The following AK5 variants were observed in gnomAD, a reference collection of about 807,000 sequenced individuals.
AK5 encodes adenylate kinase isoenzyme 5.
A neutral mutation model predicts 69.5 loss-of-function variants in AK5; 27 were observed. The observed-to-expected ratio is 0.39, with a 90% CI of 0.29 to 0.54. The LOEUF is 0.54. AK5 is among the 20% of genes least tolerant of loss of function. The pLI is 0.71. For missense variants in AK5, 531 were observed against 700.4 expected (o/e 0.76, Z 2.73); for synonymous variants, 260 against 244.4 (o/e 1.06, Z -0.60).
At chr1:77,308,267 G>T (rs1038267273) in intron 5 of AK5, among the ~76,000 whole-genome samples, 3 of 151,834 alleles carry the variant, frequency 2.0e-5, no homozygotes, top group Non-Finnish European at 4.4e-5. Context: ...CAGTCCCCAG[G>T]CCTGTCATTT....
At chr1:77,488,258 A>G (rs1334568564) in intron 10 of AK5, among the ~76,000 whole-genome samples, 2 of 152,220 alleles carry the variant, frequency 1.3e-5, no homozygotes, top group East Asian at 1.9e-4. Context: ...TTCAGAAAGT[A>G]AAACTATATA....
intron 6 of AK5, 84 bp downstream of exon 6, chr1:77,340,652 T>C: frequency 7.6e-7 from 1 of 1,321,986 alleles, no homozygotes; most frequent in Non-Finnish European, 1.0e-6. Flanking sequence ...GTAGAAATCC[T>C]CTTTACCTTA....
At chr1:77,327,138 G>C (rs1660845483) in intron 5 of AK5, among the ~76,000 whole-genome samples, 1 of 152,146 alleles carries the variant, frequency 6.6e-6, no homozygotes, top group Non-Finnish European at 1.5e-5. Flanking sequence ...TGTAATCCCA[G>C]CACTTTGAAA....
At chr1:77,531,078 G>C (rs952164419) in intron 12 of AK5, among the ~76,000 whole-genome samples, 2 of 152,050 alleles carry the variant, frequency 1.3e-5, no homozygotes, top group African/African-American at 4.8e-5. Context: ...GTGGACCCTC[G>C]CGGTGAGTGT....
At chr1:77,502,488 G>T (rs1482635270) in intron 10 of AK5, among the ~76,000 whole-genome samples, 3 of 152,160 alleles carry the variant, frequency 2.0e-5, no homozygotes, top group African/African-American at 7.2e-5. Context: ...ATTTCAGAGA[G>T]CCTTGTGCCC....
chr1:77,435,385 C>T (rs1000983380), intron 8 of AK5, among the ~76,000 whole-genome samples: 2 of 152,142 alleles, frequency 1.3e-5, no homozygotes, highest in Non-Finnish European at 2.9e-5. Flanking sequence ...CATGGTGGCT[C>T]ACGCCTGTAA....
At chr1:77,291,647 G>A (rs1481369890) in intron 2 of AK5, among the ~76,000 whole-genome samples, 2 of 152,004 alleles carry the variant, frequency 1.3e-5, no homozygotes, top group African/African-American at 2.4e-5. Flanking sequence ...TCAGTAAGAT[G>A]TTCTTTTTAT....
At chr1:77,443,332 G>A (rs1024971755) in intron 8 of AK5, among the ~76,000 whole-genome samples, 4 of 152,084 alleles carry the variant, frequency 2.6e-5, no homozygotes, top group Non-Finnish European at 5.9e-5. Flanking sequence ...TATGCTATAT[G>A]CATCCATTAC....
intron 8 of AK5, among the ~76,000 whole-genome samples, chr1:77,445,418 T>G (rs1652687511): frequency 6.6e-6 from 1 of 152,194 alleles, no homozygotes; most frequent in African/African-American, 2.4e-5. Flanking sequence ...TGGCCATTTT[T>G]AATATCATCT....
chr1:77,472,301 C>T (rs1654553458), intron 8 of AK5, among the ~76,000 whole-genome samples: 2 of 152,268 alleles, frequency 1.3e-5, no homozygotes, highest in South Asian at 4.1e-4. Context: ...GGGATGCCTC[C>T]TTTTGTGGTC....
At chr1:77,485,927 G>A (rs1034056674) in intron 9 of AK5, among the ~76,000 whole-genome samples, 4 of 152,146 alleles carry the variant, frequency 2.6e-5, no homozygotes, top group African/African-American at 9.7e-5. Flanking sequence ...GACCAGCCTG[G>A]CCAACATGGT....
intron 8 of AK5, among the ~76,000 whole-genome samples, chr1:77,478,865 T>TAC (rs1557622908): frequency 2.0e-5 from 3 of 152,088 alleles, no homozygotes; most frequent in Non-Finnish European, 4.4e-5. Flanking sequence ...AAAGCACATA[T>TAC]ATACCCCAAT....
intron 1 of AK5, among the ~76,000 whole-genome samples, chr1:77,286,190 T>C (rs1658338945): frequency 6.6e-6 from 1 of 152,050 alleles, no homozygotes; most frequent in Admixed American, 6.6e-5. Flanking sequence ...TATGAAATTA[T>C]TTAATTCTTA....
intron 6 of AK5, among the ~76,000 whole-genome samples, chr1:77,355,629 G>A (rs949781774): frequency 6.6e-5 from 10 of 152,106 alleles, no homozygotes; most frequent in African/African-American, 2.4e-4. Context: ...ACCCCATTTT[G>A]AGTCCATTCA....
intron 8 of AK5, among the ~76,000 whole-genome samples, chr1:77,458,277 C>A (rs886573942): frequency 6.6e-6 from 1 of 152,096 alleles, no homozygotes; most frequent in African/African-American, 2.4e-5. Flanking sequence ...TCTCTCACTC[C>A]TCTATTGTCC....
In AK5 at chr1:77,558,968, G is replaced by T. The variant is rs576429809; in HGVS notation, c.*298G>T. On this transcript the variant is annotated 3_prime_UTR_variant, in exon 14 of 14. Transcript: ENST00000354567. Reference sequence around the variant, plus strand: ...CTCAGAGCTAGTCAGTACATGAACAGTGGTGCGGTGCCAGTCTGTGTCCGT... The same window carrying T: ...CTCAGAGCTAGTCAGTACATGAACATTGGTGCGGTGCCAGTCTGTGTCCGT... 1.4e-4 allele frequency: 35 copies of T among 245,476 alleles called. No individual in the cohort carries two copies. In the South Asian group the frequency reaches 2.6e-3, roughly 18 times the overall value. 15.2% of individuals were successfully genotyped at this position (245,476 alleles called of 1,614,324 possible). A position where few individuals can be genotyped will look rare whatever the true frequency, so the allele number is the denominator to read the frequency against.
rs371485979 is a variant in AK5 at position 77,494,543 on chromosome 1, C to G, written c.1147+8191C>G. 5.5e-4 allele frequency among the ~76,000 whole-genome samples: 84 copies of G among 152,260 alleles called. No individual in the cohort carries two copies. In the South Asian group the frequency reaches 0.016, roughly 29 times the overall value. ...TGGATTTCTTTTAAAATAACAAAATCTCTGTCAACTCCAAATTTGAGCGAC... is the reference window on the plus strand; with the variant it reads ...TGGATTTCTTTTAAAATAACAAAATGTCTGTCAACTCCAAATTTGAGCGAC... On this transcript the variant is annotated intron_variant, in intron 10 of 13. Transcript: ENST00000354567.
intron 6 of AK5, among the ~76,000 whole-genome samples, chr1:77,410,079 G>GA (rs1253109098): frequency 6.6e-6 from 1 of 151,950 alleles, no homozygotes; most frequent in Non-Finnish European, 1.5e-5. Flanking sequence ...ACAAACCACT[G>GA]AAAAACTCAG....
At chr1:77,479,630 A>G (rs962968148) in intron 8 of AK5, among the ~76,000 whole-genome samples, 1 of 152,140 alleles carries the variant, frequency 6.6e-6, no homozygotes, top group African/African-American at 2.4e-5. Context: ...ACTTAAATCA[A>G]ATGTGTGACT....
Sources: allele counts gnomAD v4.1 joint callset (sites outside exome capture counted in the v4.1 genomes callset), GRCh38; gene constraint gnomAD v4.1.1; transcripts MANE v1.5; gene names NCBI Gene and HGNC (gene_info 2026-07-23, HGNC 2026-07-21).